The following DEPDC1B variants were observed in gnomAD, a reference collection of about 807,000 sequenced individuals.
DEPDC1B encodes DEP domain-containing protein 1B.
A neutral mutation model predicts 66.5 loss-of-function variants in DEPDC1B; 51 were observed. The ratio of observed to expected loss-of-function variants is 0.77; its 90% confidence interval spans 0.61 to 0.97. DEPDC1B has a LOEUF of 0.97. Ranked by LOEUF, DEPDC1B falls within the 50% of genes least tolerant of loss-of-function variation. The pLI is 0.00. For synonymous variants in DEPDC1B, 226 were observed against 223.6 expected (o/e 1.01, Z -0.10); for missense variants, 552 against 637.1 (o/e 0.87, Z 1.44).
intron 2 of DEPDC1B, among the ~76,000 whole-genome samples, chr5:60,659,030 G>A (rs192331228): frequency 2.6e-4 from 40 of 152,304 alleles, no homozygotes; most frequent in Middle Eastern, 3.4e-3. Flanking sequence ...TAAGGGCCCA[G>A]GGTTCGTCCT....
At chr5:60,635,720 C>T (rs1337883028) in intron 7 of DEPDC1B, among the ~76,000 whole-genome samples, 1 of 152,194 alleles carries the variant, frequency 6.6e-6, no homozygotes, top group Non-Finnish European at 1.5e-5. Flanking sequence ...CACTATGCAG[C>T]TGCAGCAGTT....
intron 2 of DEPDC1B, among the ~76,000 whole-genome samples, chr5:60,666,466 G>A (rs941682448): frequency 3.9e-5 from 6 of 152,022 alleles, no homozygotes; most frequent in Admixed American, 2.0e-4. Flanking sequence ...ATAACACCTC[G>A]ATGTGGTACT....
intron 8 of DEPDC1B, among the ~76,000 whole-genome samples, chr5:60,605,234 G>A (rs1326057442): frequency 6.6e-6 from 1 of 152,142 alleles, no homozygotes. Context: ...TAATGCTCTA[G>A]TGCACAGCAC....
chr5:60,598,060 G>T, intron 10 of DEPDC1B, 146 bp from the exon 11 acceptor site: 1 of 676,636 alleles, frequency 1.5e-6, no homozygotes, highest in Non-Finnish European at 2.3e-6. Flanking sequence ...TTTCTATAGA[G>T]CTAATCCATC....
At chr5:60,643,050 C>T (rs1753227000) in intron 5 of DEPDC1B, among the ~76,000 whole-genome samples, 191 bp from the exon 6 acceptor site, 1 of 152,098 alleles carries the variant, frequency 6.6e-6, no homozygotes, top group Admixed American at 6.6e-5. Flanking sequence ...ATAACATGCA[C>T]TTACATAAAT....
At chr5:60,636,586 A>T (rs1753048815) in intron 7 of DEPDC1B, among the ~76,000 whole-genome samples, 1 of 152,222 alleles carries the variant, frequency 6.6e-6, no homozygotes, top group Non-Finnish European at 1.5e-5. Context: ...CTACATATGT[A>T]GATATTTACC....
At chr5:60,657,445 G>A (rs1332244639) in intron 2 of DEPDC1B, among the ~76,000 whole-genome samples, 1 of 152,054 alleles carries the variant, frequency 6.6e-6, no homozygotes, top group Non-Finnish European at 1.5e-5. Context: ...TCATGCATTT[G>A]TTTCAGGATT....
chr5:60,626,364 T>C (rs1426883871), intron 7 of DEPDC1B, among the ~76,000 whole-genome samples: 2 of 152,170 alleles, frequency 1.3e-5, no homozygotes, highest in Non-Finnish European at 2.9e-5. Flanking sequence ...CTCTTCTGAG[T>C]AATGCTGCTA....
intron 7 of DEPDC1B, among the ~76,000 whole-genome samples, chr5:60,636,472 G>T (rs547239791): frequency 6.6e-6 from 1 of 152,082 alleles, no homozygotes; most frequent in African/African-American, 2.4e-5. Flanking sequence ...TAGCTTCTCC[G>T]CAAAGTAGAC....
intron 7 of DEPDC1B, among the ~76,000 whole-genome samples, chr5:60,617,109 G>A (rs1039518024): frequency 6.6e-6 from 1 of 152,096 alleles, no homozygotes; most frequent in African/African-American, 2.4e-5. Context: ...TCACCACCAG[G>A]CCTGCCCTAA....
In DEPDC1B at chr5:60,638,882, A is replaced by G. The variant is rs371478415; in HGVS notation, c.766T>C (p.Cys256Arg). The change falls in exon 7 of 11, where the codon TGT becomes CGT. Residue 256 changes from cysteine (C) to arginine (R), a missense_variant. Coordinates refer to ENST00000265036, the MANE Select transcript of DEPDC1B (RefSeq NM_018369.3). ...AMKCLANWPNCSDLKQPMYLG... is the reference protein window; with the variant it reads ...AMKCLANWPNRSDLKQPMYLG... The stretch of plus-strand genomic sequence containing the variant: ...TACATAGGCTGCTTCAAATCAGAAC[A>G]GTTGGGCCCTATTTTCAAAAAGAGA... 1 of 1,608,176 alleles carries G rather than the reference A, an allele frequency of 6.2e-7. No individual in the cohort carries two copies.
chr5:60,635,064 G>GAAA (rs371444479), intron 7 of DEPDC1B, among the ~76,000 whole-genome samples: 10 of 115,960 alleles, frequency 8.6e-5, no homozygotes, highest in Non-Finnish European at 5.2e-5. Context: ...CATCTCAAGA[G>GAAA]AAAAAAAAAA....
rs181842202 is a variant in DEPDC1B, at chr5:60,632,390, C to G, written c.898+6360G>C. Among the ~76,000 whole-genome samples the G allele has an allele frequency of 1.9e-3, 283 of 152,346 alleles. 1 individual carries two copies. Among genetic ancestry groups the G allele is most frequent in the Admixed American group, 4.4e-3 (67 of 15,304 alleles). ...AAGGCGGCTGCTGCAAACTGAGCAG[C>G]AAGCCAGGCCACCTGCCTTGATTGG... is the stretch of plus-strand genomic sequence containing the variant. On this transcript the variant is annotated intron_variant, in intron 7 of 10. Coordinates refer to ENST00000265036, the MANE Select transcript of DEPDC1B (RefSeq NM_018369.3).
intron 2 of DEPDC1B, among the ~76,000 whole-genome samples, chr5:60,675,533 C>G (rs1226104612): frequency 6.6e-6 from 1 of 152,236 alleles, no homozygotes. Flanking sequence ...TTCCAAGCCT[C>G]TGTAAGCAGA....
intron 7 of DEPDC1B, among the ~76,000 whole-genome samples, chr5:60,621,738 A>G (rs1158184727): frequency 6.6e-6 from 1 of 152,222 alleles, no homozygotes; most frequent in African/African-American, 2.4e-5. Flanking sequence ...CAGGAAAAAC[A>G]AACATGCATT....
rs1267331318 is a variant in DEPDC1B, at chr5:60,686,958, T to C, written c.314+4A>G. 1 of 1,613,974 alleles carries C rather than the reference T, an allele frequency of 6.2e-7. No homozygotes were observed. Among genetic ancestry groups the C allele is most frequent in the Non-Finnish European group, 8.5e-7 (1 of 1,179,834 alleles). On this transcript the variant is annotated splice_donor_region_variant and intron_variant, in intron 2 of 10. Transcript: ENST00000265036. Reference sequence around the variant, plus strand: ...CACCTTCCAGGTTTACATGTTGCCATTACCTGTATAAGTGACGATTGTCTT... The same window carrying C: ...CACCTTCCAGGTTTACATGTTGCCACTACCTGTATAAGTGACGATTGTCTT...
At chr5:60,692,584 T>C (rs935626918) in intron 1 of DEPDC1B, among the ~76,000 whole-genome samples, 7 of 152,140 alleles carry the variant, frequency 4.6e-5, no homozygotes, top group African/African-American at 1.2e-4. Flanking sequence ...GGAATGTAAA[T>C]TGGTGCGACC....
intron 7 of DEPDC1B, among the ~76,000 whole-genome samples, chr5:60,627,318 CA>C (rs1752827110): frequency 6.6e-6 from 1 of 152,070 alleles, no homozygotes; most frequent in African/African-American, 2.4e-5. Flanking sequence ...ATTCAAAAGA[CA>C]TCTTCATCAA....
chr5:60,644,813 G>A lies in DEPDC1B; in HGVS notation c.641C>T (p.Ser214Leu), dbSNP rs201451342. Reference protein sequence around the residue: ...EEVLDVKLVNSKFIIHNVYSV... With the variant: ...EEVLDVKLVNLKFIIHNVYSV... ...ATATACATTATGGATGATGAACTTC[G>A]AATTGACAAGTTTGACGTCTAAAAC... Residue 214 changes from serine (S) to leucine (L), a missense_variant, in exon 5 of 11, where the codon TCG becomes TTG. Transcript: ENST00000265036. 52 of 1,611,004 alleles carry A rather than the reference G, an allele frequency of 3.2e-5. No individual in the cohort carries two copies. The highest frequency in any genetic ancestry group is 1.2e-4 in the African/African-American group (9 of 74,776).
Sources: allele counts gnomAD v4.1 joint callset (sites outside exome capture counted in the v4.1 genomes callset), GRCh38; gene constraint gnomAD v4.1.1; transcripts MANE v1.5; gene names NCBI Gene and HGNC (gene_info 2026-07-23, HGNC 2026-07-21).